The following SUPT3H variants were observed in gnomAD, a reference collection of about 807,000 sequenced individuals.
The protein encoded by SUPT3H is transcription initiation protein SPT3 homolog.
A neutral mutation model predicts 44.3 loss-of-function variants in SUPT3H; 44 were observed. That is an observed-to-expected ratio of 0.99 (90% CI 0.78 to 1.28). SUPT3H has a LOEUF of 1.28. Among genes scored for constraint, SUPT3H ranks in the 50% most tolerant of loss-of-function variants. The pLI is 0.00. For synonymous variants in SUPT3H, 124 were observed against 125.6 expected (o/e 0.99, Z 0.09); for missense variants, 380 against 387.1 (o/e 0.98, Z 0.15).
chr6:45,375,746 G>C (rs950413289), intron 1 of SUPT3H, among the ~76,000 whole-genome samples: 1 of 151,928 alleles, frequency 6.6e-6, no homozygotes, highest in Non-Finnish European at 1.5e-5. Context: ...CCAAGGTTAA[G>C]GGTGCTACCG....
intron 3 of SUPT3H, among the ~76,000 whole-genome samples, chr6:45,026,222 A>T (rs531809861): frequency 6.6e-6 from 1 of 152,190 alleles, no homozygotes; most frequent in South Asian, 2.1e-4. Context: ...TGCTAGCCAG[A>T]GATAACCTCA....
At chr6:44,912,518 T>C (rs1051557762) in intron 10 of SUPT3H, among the ~76,000 whole-genome samples, 1 of 152,190 alleles carries the variant, frequency 6.6e-6, no homozygotes, top group Non-Finnish European at 1.5e-5. Flanking sequence ...GTAAGAGATG[T>C]GGAGAAGTGG....
chr6:44,855,195 T>C (rs1468679128), intron 10 of SUPT3H, among the ~76,000 whole-genome samples: 1 of 152,202 alleles, frequency 6.6e-6, no homozygotes, highest in African/African-American at 2.4e-5. Context: ...CACTTAACTT[T>C]GCCCCTCTTC....
intron 2 of SUPT3H, among the ~76,000 whole-genome samples, chr6:45,264,522 T>C (rs1774940410): frequency 6.6e-6 from 1 of 152,160 alleles, no homozygotes; most frequent in South Asian, 2.1e-4. Context: ...TAGCCAGGCA[T>C]GGTGGTGCAC....
intron 2 of SUPT3H, among the ~76,000 whole-genome samples, chr6:45,110,334 C>A (rs1475009416): frequency 6.6e-6 from 1 of 152,146 alleles, no homozygotes; most frequent in Non-Finnish European, 1.5e-5. Flanking sequence ...TATACTTATA[C>A]TGGGATCCAG....
chr6:44,948,903 A>G lies in SUPT3H; in HGVS notation c.801+4407T>C, dbSNP rs796457423. ...ATCCCATTACTGGCTATATACCCAA[A>G]GGATTATAAATTATGTTGCTATAAA... is the stretch of plus-strand genomic sequence containing the variant. On this transcript the variant is annotated intron_variant, in intron 9 of 10. Coordinates refer to ENST00000371459, the MANE Select transcript of SUPT3H (RefSeq NM_003599.4). Among the ~76,000 whole-genome samples, 10 of 152,322 alleles carry G rather than the reference A, an allele frequency of 6.6e-5. No homozygotes were observed. In the South Asian group the frequency reaches 2.1e-3, roughly 32 times the overall value.
chr6:45,016,206 C>T (rs1289118738), intron 4 of SUPT3H, among the ~76,000 whole-genome samples: 1 of 152,064 alleles, frequency 6.6e-6, no homozygotes, highest in Non-Finnish European at 1.5e-5. Flanking sequence ...ATACCTACAA[C>T]ATCACTTGAT....
intron 2 of SUPT3H, among the ~76,000 whole-genome samples, chr6:45,350,605 G>T (rs1791814698): frequency 6.6e-6 from 1 of 152,084 alleles, no homozygotes; most frequent in African/African-American, 2.4e-5. Context: ...AAAATAGGGG[G>T]ATGAAAACTA....
chr6:45,198,792 T>C (rs1816515913), intron 2 of SUPT3H, among the ~76,000 whole-genome samples: 1 of 151,302 alleles, frequency 6.6e-6, no homozygotes, highest in Admixed American at 6.6e-5. Context: ...AACACCAACA[T>C]CTTAATTATT....
At chr6:45,248,378 T>C (rs1771746570) in intron 2 of SUPT3H, among the ~76,000 whole-genome samples, 1 of 151,986 alleles carries the variant, frequency 6.6e-6, no homozygotes. Context: ...ATCCAGAATG[T>C]ATAAAAAGCT....
chr6:45,338,411 T>C (rs999771692), intron 2 of SUPT3H, among the ~76,000 whole-genome samples: 22 of 152,088 alleles, frequency 1.4e-4, no homozygotes, highest in Non-Finnish European at 1.9e-4. Context: ...ACAATAAAAC[T>C]GGTATCATTT....
At chr6:45,014,925 C>A (rs1200717528) in intron 4 of SUPT3H, 34 bp from the exon 5 acceptor site, 2 of 1,306,490 alleles carry the variant, frequency 1.5e-6, no homozygotes, top group East Asian at 5.3e-5. Context: ...AATAAGAAAA[C>A]CTATACATAT....
intron 2 of SUPT3H, among the ~76,000 whole-genome samples, chr6:45,273,110 C>T (rs375322959): frequency 3.9e-5 from 6 of 152,176 alleles, no homozygotes; most frequent in African/African-American, 1.2e-4. Context: ...TGGCACCCAT[C>T]GGGTGGAAAG....
chr6:44,968,506 C>T (rs1016784349), intron 6 of SUPT3H, among the ~76,000 whole-genome samples: 1 of 152,070 alleles, frequency 6.6e-6, no homozygotes, highest in Non-Finnish European at 1.5e-5. Context: ...GCTCATTCTG[C>T]TTGCTGGGTC....
At chr6:45,010,676 A>T (rs750483789) in intron 5 of SUPT3H, among the ~76,000 whole-genome samples, 3 of 152,164 alleles carry the variant, frequency 2.0e-5, no homozygotes, top group Non-Finnish European at 4.4e-5. Context: ...TGGACAGCAG[A>T]AACAGAAGAA....
intron 2 of SUPT3H, among the ~76,000 whole-genome samples, chr6:45,266,669 T>A (rs920877352): frequency 1.3e-5 from 2 of 152,100 alleles, no homozygotes; most frequent in African/African-American, 4.8e-5. Flanking sequence ...TAAAATCTTC[T>A]CATCTGATAA....
chr6:44,925,825 A>C (rs890210092), intron 10 of SUPT3H, among the ~76,000 whole-genome samples: 1 of 152,158 alleles, frequency 6.6e-6, no homozygotes, highest in Non-Finnish European at 1.5e-5. Context: ...AAATTCTAAG[A>C]ATGTTTTTGT....
rs114263266 is a variant in SUPT3H at position 45,001,342 on chromosome 6, T to C, written c.504+2311A>G. Among the ~76,000 whole-genome samples the C allele has an allele frequency of 2.6e-3, 395 of 152,184 alleles. 2 individuals are homozygous for C. The highest frequency in any genetic ancestry group is 8.7e-3 in the African/African-American group (360 of 41,554). On this transcript the variant is annotated intron_variant, in intron 6 of 10. Coordinates refer to ENST00000371459, the MANE Select transcript of SUPT3H (RefSeq NM_003599.4). ...GTTCTGAGATCATGGATCTCTACTA[T>C]AGGTATGCCCAAGTGCTAGAATCTG... is the stretch of plus-strand genomic sequence containing the variant.
In SUPT3H at chr6:45,095,984, C is replaced by T. The variant is rs1284987; in HGVS notation, c.186+9938G>A. ...TGCCATTAAATAGCCCCATTATTAA[C>T]GACAATAGCAACTATTACTACTGTT... On this transcript the variant is annotated intron_variant, in intron 3 of 10. Coordinates refer to ENST00000371459, the MANE Select transcript of SUPT3H (RefSeq NM_003599.4). The surrounding 1 kb of genome is among the most constrained non-coding windows in gnomAD (Gnocchi z 4.1). Among the ~76,000 whole-genome samples, 96,158 of 151,850 alleles carry T rather than the reference C, an allele frequency of 0.63. 30,990 individuals are homozygous for T. The highest frequency in any genetic ancestry group is 0.76 in the African/African-American group (31,505 of 41,466).
Sources: allele counts gnomAD v4.1 joint callset (sites outside exome capture counted in the v4.1 genomes callset), GRCh38; gene constraint gnomAD v4.1.1; non-coding constraint Gnocchi (gnomAD v3.1); transcripts MANE v1.5; gene names NCBI Gene and HGNC (gene_info 2026-07-23, HGNC 2026-07-21).